ADGRF4: variants seen among roughly 807,000 people sequenced by gnomAD.
ADGRF4 encodes adhesion G protein-coupled receptor F4.
Under a neutral mutation model 58.5 loss-of-function variants are expected in ADGRF4, and 63 were observed. The observed-to-expected ratio is 1.08, with a 90% confidence interval of 0.88 to 1.33. The LOEUF is 1.33. Among genes scored for constraint, ADGRF4 ranks in the 40% most tolerant of loss-of-function variants. ADGRF4 has a pLI of 0.00. For missense variants in ADGRF4, 931 were observed against 843.9 expected, an observed-to-expected ratio of 1.10 and a Z score of -1.28; for synonymous variants, 313 against 295.4, an observed-to-expected ratio of 1.06 and a Z score of -0.61.
rs1030256538 is a variant in ADGRF4, at chr6:47,707,212, C to G, written c.-16-18C>G. The G allele has an allele frequency of 5.7e-6, 8 of 1,413,576 alleles. No individual in the cohort carries two copies. The highest frequency in any genetic ancestry group is 5.0e-5 in the Admixed American group (3 of 59,782). 87.6% of individuals were successfully genotyped at this position (1,413,576 alleles called of 1,614,324 possible). ...AGTTGTCACCTTCAGGTGGGTATGCCTTCTTTCTCTATTGCAGGTGAAGAT... is the reference window on the plus strand; with the variant it reads ...AGTTGTCACCTTCAGGTGGGTATGCGTTCTTTCTCTATTGCAGGTGAAGAT... On this transcript the variant is annotated intron_variant, in intron 1 of 9. Transcript: ENST00000283303.
chr6:47,705,798 G>A (rs1006038497), intron 1 of ADGRF4, among the ~76,000 whole-genome samples: 1 of 152,194 alleles, frequency 6.6e-6, no homozygotes, highest in Non-Finnish European at 1.5e-5. Flanking sequence ...TGGATCATAA[G>A]GGAATTTATG....
At chr6:47,717,190 AT>A in intron 7 of ADGRF4, 101 bp from the exon 8 acceptor site, 2 of 824,844 alleles carry the variant, frequency 2.4e-6, no homozygotes, top group Non-Finnish European at 2.2e-6. Context: ...GTCCTCTGAT[AT>A]TGCTTCTGCC....
chr6:47,702,939 G>A lies in ADGRF4; in HGVS notation c.-17+4145G>A, dbSNP rs74355713. ...CACCTGGGTGAGTTAGCCCCCATCA[G>A]GCTCCCATATGAAAGCTTCTTCTTT... is the stretch of plus-strand genomic sequence containing the variant. On this transcript the variant is annotated intron_variant, in intron 1 of 9. Coordinates refer to ENST00000283303, the MANE Select transcript of ADGRF4 (RefSeq NM_153838.5). Among the ~76,000 whole-genome samples the A allele has an allele frequency of 4.3e-3, 660 of 152,302 alleles. 3 individuals are homozygous for A. The highest frequency in any genetic ancestry group is 0.014 in the African/African-American group (575 of 41,572).
chr6:47,700,172 A>G (rs994175412), intron 1 of ADGRF4, among the ~76,000 whole-genome samples: 6 of 152,116 alleles, frequency 3.9e-5, no homozygotes, highest in African/African-American at 1.4e-4. Flanking sequence ...TTGGCCATTC[A>G]CCTTAGGGTG....
chr6:47,719,188 C>T (rs772929095), intron 9 of ADGRF4, among the ~76,000 whole-genome samples: 1 of 152,168 alleles, frequency 6.6e-6, no homozygotes, highest in Non-Finnish European at 1.5e-5. Context: ...AAACAAGGGG[C>T]TGAGTCTCAT....
In ADGRF4 at chr6:47,707,287, GTTCT is replaced by G; in HGVS notation, c.47_50del (p.Phe16CysfsTer14). The G allele has an allele frequency of 6.2e-7, 1 of 1,613,504 alleles. No individual in the cohort carries two copies. The highest frequency in any genetic ancestry group is 8.5e-7 in the Non-Finnish European group (1 of 1,179,442). On this transcript the variant is annotated frameshift_variant, in exon 2 of 10. Coordinates refer to ENST00000283303, the MANE Select transcript of ADGRF4 (RefSeq NM_153838.5). LOFTEE classifies it high-confidence loss of function. Reference sequence around the variant, plus strand: ...AGGCAACCATGATTTGCTGCTTAGTGTTCTTTCTGTCCACAGAATGTTCCCACTA... The same window carrying G: ...AGGCAACCATGATTTGCTGCTTAGTGTTCTGTCCACAGAATGTTCCCACTA...
rs76080114 is a variant in ADGRF4 at position 47,709,925 on chromosome 6, C to T, written c.149-810C>T. 4.3e-3 allele frequency among the ~76,000 whole-genome samples: 658 copies of T among 151,848 alleles called. 3 individuals carry two copies. The highest frequency in any genetic ancestry group is 0.014 in the African/African-American group (573 of 41,396). On this transcript the variant is annotated intron_variant, in intron 3 of 9. Transcript: ENST00000283303. ...TAGCCACCAAACATAGTGCTGAAGC[C>T]CTGCCTAGCATTCCTAAGCCAGAGA...
In ADGRF4 at chr6:47,717,319, T is replaced by A; in HGVS notation, c.2002T>A (p.Ser668Thr). Residue 668 changes from serine to threonine, a missense_variant, in exon 8 of 10, where the codon TCT becomes ACT. By Grantham distance (58) the Ser-to-Thr change is moderately conservative. Transcript: ENST00000283303. ...AAGAGATGCTTTGAGGATGAGGATG[T>A]CTTCACTGAAGGGGAAATCGAGGGC... ...KIRDALRMRM[S>T]SLKGKSRAAE... 2 of 1,612,382 alleles carry A rather than the reference T, an allele frequency of 1.2e-6. No homozygotes were observed. Among genetic ancestry groups the A allele is most frequent in the Non-Finnish European group, 1.7e-6 (2 of 1,178,370 alleles).
intron 6 of ADGRF4, among the ~76,000 whole-genome samples, chr6:47,716,572 A>G (rs527340035): frequency 1.5e-4 from 23 of 152,318 alleles, no homozygotes; most frequent in Middle Eastern, 3.4e-3. Context: ...ACAGCCATTC[A>G]ATAAATATCA....
At chr6:47,708,198 G>T (rs576649186) in intron 2 of ADGRF4, 26 bp from the exon 3 acceptor site, 1 of 1,584,662 alleles carries the variant, frequency 6.3e-7, no homozygotes, top group South Asian at 1.1e-5. Flanking sequence ...CAGTAAAGAG[G>T]ACCATTGGGA....
At chr6:47,707,418 T>G (rs1323094153) in intron 2 of ADGRF4, 80 bp downstream of exon 2, 1 of 832,846 alleles carries the variant, frequency 1.2e-6, no homozygotes, top group Non-Finnish European at 2.1e-6. Flanking sequence ...ATAAATAAGA[T>G]GTCATTTTAA....
chr6:47,714,890 T>C lies in ADGRF4; in HGVS notation c.1645T>C (p.Cys549Arg), dbSNP rs1485645602. The C allele has an allele frequency of 6.2e-7, 1 of 1,610,374 alleles. No individual in the cohort carries two copies. Among genetic ancestry groups the C allele is most frequent in the Admixed American group, 1.7e-5 (1 of 59,966 alleles). The change falls in exon 6 of 10, where the codon TGT becomes CGT. Residue 549 changes from cysteine (C) to arginine (R), a missense_variant. Transcript: ENST00000283303. ...GAAAGGCTACATGAGACCTGAGGCCTGTTGGCTTAACTGGGACAATACCAA... is the reference window on the plus strand; with the variant it reads ...GAAAGGCTACATGAGACCTGAGGCCCGTTGGCTTAACTGGGACAATACCAA... The part of the protein sequence containing the change: ...PEKGYMRPEA[C>R]WLNWDNTKAL...
At chr6:47,718,950 G>A (rs1772096185) in intron 9 of ADGRF4, among the ~76,000 whole-genome samples, 1 of 152,166 alleles carries the variant, frequency 6.6e-6, no homozygotes, top group African/African-American at 2.4e-5. Context: ...CCAGGAAGCA[G>A]GAGAATAAGT....
In ADGRF4 at chr6:47,710,831, A is replaced by C. The variant is rs773589404; in HGVS notation, c.245A>C (p.Lys82Thr). 1.9e-6 allele frequency: 3 copies of C among 1,614,002 alleles called. No individual in the cohort carries two copies. Residue 82 changes from lysine to threonine, a missense_variant, in exon 4 of 10, where the codon AAG becomes ACG. Physicochemically the swap from Lys to Thr is moderately conservative, Grantham distance 78 (BLOSUM62 -1). Transcript: ENST00000283303. Reference protein sequence around the residue: ...GEIGFTCNQKKWQKSAETCTS... With the variant: ...GEIGFTCNQKTWQKSAETCTS... ...ATAGGATTTACATGTAATCAAAAAAAGTGGCAAAAATCAGCTGAAACATGT... is the reference window on the plus strand; with the variant it reads ...ATAGGATTTACATGTAATCAAAAAACGTGGCAAAAATCAGCTGAAACATGT...
chr6:47,718,590 A>G, intron 9 of ADGRF4, 145 bp downstream of exon 9: 1 of 659,874 alleles, frequency 1.5e-6, no homozygotes, highest in Non-Finnish European at 2.8e-6. Context: ...AAGAATGGAA[A>G]CATCTTTATT....
intron 5 of ADGRF4, 22 bp from the exon 6 acceptor site, chr6:47,713,776 T>G: frequency 1.3e-6 from 2 of 1,503,092 alleles, no homozygotes; most frequent in South Asian, 1.4e-5. Flanking sequence ...CTTAGTATAA[T>G]GTTCACCTTT....
intron 1 of ADGRF4, among the ~76,000 whole-genome samples, chr6:47,702,262 G>C (rs932211689): frequency 2.6e-5 from 4 of 152,074 alleles, no homozygotes; most frequent in Non-Finnish European, 5.9e-5. Context: ...GTGTGTGTTG[G>C]GGGGAGTTGG....
At chr6:47,698,837 A>G (rs186442701) in intron 1 of ADGRF4, 43 bp downstream of exon 1, 1 of 152,320 alleles carries the variant, frequency 6.6e-6, no homozygotes, top group African/African-American at 2.4e-5. Context: ...CTGTTGAAGA[A>G]AGGCTTGTTT....
At chr6:47,718,820 C>T (rs926162828) in intron 9 of ADGRF4, among the ~76,000 whole-genome samples, 1 of 152,138 alleles carries the variant, frequency 6.6e-6, no homozygotes, top group Non-Finnish European at 1.5e-5. Context: ...TGAAGTGGAA[C>T]CCAGAATCAT....
Sources: gnomAD v4.1 joint callset for allele counts (sites outside exome capture counted in the v4.1 genomes callset) on GRCh38, gnomAD v4.1.1 for gene constraint, MANE v1.5 for transcripts, NCBI Gene and HGNC (gene_info 2026-07-23, HGNC 2026-07-21) for gene names.